Variants in RIMS2 observed in about 807,000 individuals in gnomAD.
RIMS2 encodes the protein regulating synaptic membrane exocytosis 2, also known as regulating synaptic membrane exocytosis protein 2.
In RIMS2, 59 loss-of-function variants were observed where a neutral mutation model predicts 174.4. That is an observed-to-expected ratio of 0.34 (90% confidence interval 0.27 to 0.42). The LOEUF (loss-of-function observed/expected upper bound fraction) is 0.42. Among genes scored for constraint, RIMS2 ranks in the 10% least tolerant of loss-of-function variants. The pLI, the probability that RIMS2 is intolerant of heterozygous loss-of-function variation, is 1.00. For missense variants in RIMS2, 1,620 were observed against 1,666.3 expected, an observed-to-expected ratio of 0.97 and a Z score of 0.48; for synonymous variants, 606 against 572.5, an observed-to-expected ratio of 1.06 and a Z score of -0.84.
At chr8:103,512,138 G>A (rs534515551) in intron 1 of RIMS2, among the ~76,000 whole-genome samples, 3 of 152,290 alleles carry the variant, frequency 2.0e-5, no homozygotes, top group Non-Finnish European at 4.4e-5. Context: ...AACACTGGGT[G>A]TCTATAAGCT....
At chr8:103,552,214 A>G (rs1229111566) in intron 1 of RIMS2, among the ~76,000 whole-genome samples, 1 of 152,236 alleles carries the variant, frequency 6.6e-6, no homozygotes, top group Non-Finnish European at 1.5e-5. Context: ...CTATAAGGCT[A>G]CAGTAACGAA....
chr8:103,513,603 C>T (rs1257064007), intron 1 of RIMS2, among the ~76,000 whole-genome samples: 2 of 152,044 alleles, frequency 1.3e-5, no homozygotes, highest in Admixed American at 1.3e-4. Flanking sequence ...GAATTTTGGC[C>T]CAGACTTACA....
At chr8:104,003,490 T>C (rs2095465716) in intron 17 of RIMS2, among the ~76,000 whole-genome samples, 1 of 151,880 alleles carries the variant, frequency 6.6e-6, no homozygotes, top group African/African-American at 2.4e-5. Context: ...CTTGGCTCAC[T>C]GCAACCTCCA....
chr8:103,980,800 T>C (rs2093834300), intron 16 of RIMS2, among the ~76,000 whole-genome samples: 1 of 152,164 alleles, frequency 6.6e-6, no homozygotes. Context: ...AACCCCCTTG[T>C]GGTCCAGTGG....
chr8:103,979,996 C>T (rs2093758189), intron 16 of RIMS2, among the ~76,000 whole-genome samples: 1 of 152,030 alleles, frequency 6.6e-6, no homozygotes, highest in Non-Finnish European at 1.5e-5. Context: ...CCTAGGTAAA[C>T]TGGAAAGGAC....
At chr8:104,008,750 A>G (rs959033790) in intron 17 of RIMS2, among the ~76,000 whole-genome samples, 3 of 151,826 alleles carry the variant, frequency 2.0e-5, no homozygotes, top group African/African-American at 7.3e-5. Flanking sequence ...ATATTATACC[A>G]TTTTCACATT....
chr8:103,935,652 C>A (rs2081072306), intron 12 of RIMS2, among the ~76,000 whole-genome samples: 1 of 152,114 alleles, frequency 6.6e-6, no homozygotes, highest in African/African-American at 2.4e-5. Context: ...AATTGTATTT[C>A]CTAGAAAATT....
At chr8:104,001,888 TG>T (rs1052130736) in intron 17 of RIMS2, among the ~76,000 whole-genome samples, 14 of 152,064 alleles carry the variant, frequency 9.2e-5, no homozygotes, top group Non-Finnish European at 1.9e-4. Flanking sequence ...TGCTGTCATT[TG>T]TTGAGCTCTT....
At chr8:103,639,120 C>T (rs2096164340) in intron 1 of RIMS2, among the ~76,000 whole-genome samples, 1 of 151,872 alleles carries the variant, frequency 6.6e-6, no homozygotes, top group Non-Finnish European at 1.5e-5. Context: ...AACAAACTTA[C>T]CAGAGTACAA....
chr8:103,649,687 C>T (rs6992377), intron 1 of RIMS2, among the ~76,000 whole-genome samples: 26,125 of 149,870 alleles, frequency 0.17, 2,473 homozygotes, highest in African/African-American at 0.23. Context: ...GCCTGTCTTA[C>T]GTCAGAAAGA....
chr8:103,840,998 G>A (rs1274766754), intron 3 of RIMS2, among the ~76,000 whole-genome samples: 2 of 152,132 alleles, frequency 1.3e-5, no homozygotes, highest in South Asian at 2.1e-4. Flanking sequence ...TTTGAAATAG[G>A]CAGGAATGCT....
At chr8:103,768,520 G>T (rs1030593759) in intron 3 of RIMS2, 3 of 1,284,518 alleles carry the variant, frequency 2.3e-6, no homozygotes, top group Non-Finnish European at 3.4e-6. Context: ...TGAGTAAGGG[G>T]CATTCCTGTT....
intron 17 of RIMS2, among the ~76,000 whole-genome samples, chr8:103,997,876 T>G (rs990196320): frequency 5.3e-5 from 8 of 151,494 alleles, no homozygotes; most frequent in African/African-American, 7.2e-5. Flanking sequence ...CATCTCATCT[T>G]TCCTCATAAA....
chr8:103,510,271 A>T (rs184838309), intron 1 of RIMS2, among the ~76,000 whole-genome samples: 43 of 152,290 alleles, frequency 2.8e-4, no homozygotes, highest in Non-Finnish European at 4.7e-4. Flanking sequence ...GGTGGTGCTC[A>T]CATTCATCTT....
At chr8:104,186,232 G>A (rs1381081994) in intron 19 of RIMS2, among the ~76,000 whole-genome samples, 3 of 151,528 alleles carry the variant, frequency 2.0e-5, no homozygotes, top group Admixed American at 6.6e-5. Flanking sequence ...ATGGAGATTC[G>A]GAAGAGTGAA....
intron 19 of RIMS2, among the ~76,000 whole-genome samples, chr8:104,179,146 G>T (rs1490546862): frequency 6.6e-6 from 1 of 151,978 alleles, no homozygotes; most frequent in Non-Finnish European, 1.5e-5. Flanking sequence ...AACATAGGGA[G>T]CCTGGGCATA....
chr8:103,958,732 C>T (rs1181156920), intron 14 of RIMS2, among the ~76,000 whole-genome samples: 1 of 151,984 alleles, frequency 6.6e-6, no homozygotes, highest in Admixed American at 6.6e-5. Flanking sequence ...TGAAGTACTA[C>T]CAAATAAGAT....
rs540650460 is a variant in RIMS2, at chr8:103,740,568, T to C, written c.388-25659T>C. On this transcript the variant is annotated intron_variant, in intron 2 of 23. Transcript: ENST00000504942. ...TGAATATTATATGCAGTAGCTGAGA[T>C]GGCAGTTCTGACATTGATCTTGAAA... Among the ~76,000 whole-genome samples the C allele has an allele frequency of 1.9e-4, 29 of 152,340 alleles. No homozygotes were observed. In the South Asian group the frequency reaches 4.8e-3, roughly 25 times the overall value.
At chr8:103,738,797 A>G (rs2097721327) in intron 2 of RIMS2, among the ~76,000 whole-genome samples, 1 of 152,136 alleles carries the variant, frequency 6.6e-6, no homozygotes, top group Admixed American at 6.6e-5. Flanking sequence ...GTCACTGGCC[A>G]TCAGAGAAAT....
Sources: gnomAD v4.1 joint callset for allele counts (sites outside exome capture counted in the v4.1 genomes callset) on GRCh38, gnomAD v4.1.1 for gene constraint, MANE v1.5 for transcripts, NCBI Gene and HGNC (gene_info 2026-07-23, HGNC 2026-07-21) for gene names.